The following LRRC4C variants were observed in gnomAD, a reference collection of about 807,000 sequenced individuals.
The protein encoded by LRRC4C is leucine rich repeat containing 4C.
LRRC4C carries 5 observed loss-of-function variants against 33.6 expected under a neutral mutation model. The observed-to-expected ratio is 0.15, with a 90% CI of 0.08 to 0.31. The LOEUF is 0.31. Ranked by LOEUF, LRRC4C falls within the 10% of genes least tolerant of loss-of-function variation. The pLI, the probability that LRRC4C is intolerant of heterozygous loss-of-function variation, is 1.00. For missense variants in LRRC4C, 560 were observed against 796.7 expected (o/e 0.70, Z 3.58); for synonymous variants, 329 against 302.0 (o/e 1.09, Z -0.93).
intron 3 of LRRC4C, among the ~76,000 whole-genome samples, chr11:40,565,196 A>G (rs1242636884): frequency 6.6e-6 from 1 of 152,160 alleles, no homozygotes; most frequent in African/African-American, 2.4e-5. Context: ...GCCCCCAGCA[A>G]CCGTGGAGAA....
intron 2 of LRRC4C, among the ~76,000 whole-genome samples, chr11:40,707,538 C>T (rs931587549): frequency 6.6e-6 from 1 of 152,138 alleles, no homozygotes; most frequent in South Asian, 2.1e-4. Flanking sequence ...GCTGAACCAG[C>T]CTTGCATCTC....
chr11:40,756,410 C>G (rs1036284269), intron 2 of LRRC4C, among the ~76,000 whole-genome samples: 5 of 152,034 alleles, frequency 3.3e-5, no homozygotes, highest in Non-Finnish European at 5.9e-5. Flanking sequence ...ATTGCATTTA[C>G]TATGCAGCAT....
intron 2 of LRRC4C, among the ~76,000 whole-genome samples, chr11:40,915,027 T>A (rs1452335125): frequency 6.6e-6 from 1 of 152,216 alleles, no homozygotes; most frequent in African/African-American, 2.4e-5. Flanking sequence ...TACAAACCAC[T>A]ACTCAAAGAA....
intron 3 of LRRC4C, among the ~76,000 whole-genome samples, chr11:40,537,125 A>C (rs1428638845): frequency 6.6e-6 from 1 of 152,202 alleles, no homozygotes; most frequent in Non-Finnish European, 1.5e-5. Context: ...TATGACCTTC[A>C]ATAACAAAAA....
chr11:40,445,217 T>C (rs770045937), intron 3 of LRRC4C: 1 of 152,216 alleles, frequency 6.6e-6, no homozygotes, highest in Non-Finnish European at 1.5e-5. Flanking sequence ...TCCTGAAGCA[T>C]AGAGAATAAT....
At chr11:40,306,364 A>C (rs1233000503) in intron 4 of LRRC4C, among the ~76,000 whole-genome samples, 1 of 152,152 alleles carries the variant, frequency 6.6e-6, no homozygotes, top group Non-Finnish European at 1.5e-5. Context: ...ATAATTCCTA[A>C]CACAGCAGCT....
chr11:40,626,722 C>T (rs540280109), intron 3 of LRRC4C, among the ~76,000 whole-genome samples: 4 of 152,284 alleles, frequency 2.6e-5, no homozygotes, highest in African/African-American at 9.6e-5. Context: ...AATCTACATA[C>T]ATCAATTCTC....
intron 6 of LRRC4C, among the ~76,000 whole-genome samples, chr11:40,118,878 G>C (rs1374022062): frequency 6.6e-6 from 1 of 152,162 alleles, no homozygotes; most frequent in East Asian, 1.9e-4. Flanking sequence ...ATGATAATGA[G>C]AGGTTAATAT....
intron 3 of LRRC4C, among the ~76,000 whole-genome samples, chr11:40,487,589 T>A (rs1953928015): frequency 6.6e-6 from 1 of 151,384 alleles, no homozygotes; most frequent in East Asian, 2.0e-4. Context: ...GTAGGGAATT[T>A]TGAAGAACTT....
At chr11:41,123,571 C>CT (rs1044330643) in intron 1 of LRRC4C, among the ~76,000 whole-genome samples, 19 of 151,882 alleles carry the variant, frequency 1.3e-4, no homozygotes, top group Admixed American at 7.9e-4. Context: ...CGCGCCCGGC[C>CT]TTTTTTTTCT....
intron 2 of LRRC4C, among the ~76,000 whole-genome samples, chr11:40,902,127 A>G (rs1380703145): frequency 6.6e-6 from 1 of 151,746 alleles, no homozygotes; most frequent in Non-Finnish European, 1.5e-5. Context: ...TTTTGTGGCA[A>G]CCTTGCATTG....
chr11:41,408,756 A>AAAAAAAAAAAAAAC (rs1565649967), intron 1 of LRRC4C, among the ~76,000 whole-genome samples: 3 of 140,742 alleles, frequency 2.1e-5, no homozygotes, highest in African/African-American at 9.7e-5. Flanking sequence ...GTAAAAAAAA[A>AAAAAAAAAAAAAAC]AAAAAAAAAA....
chr11:41,415,473 C>A (rs373667003), intron 1 of LRRC4C, among the ~76,000 whole-genome samples: 3 of 152,106 alleles, frequency 2.0e-5, no homozygotes, highest in Non-Finnish European at 4.4e-5. Flanking sequence ...CAAGTTTAAC[C>A]GCTAATTCAC....
At chr11:40,236,553 T>C (rs184937929) in intron 5 of LRRC4C, among the ~76,000 whole-genome samples, 1 of 152,292 alleles carries the variant, frequency 6.6e-6, no homozygotes, top group Admixed American at 6.5e-5. Flanking sequence ...TGGGGCCAGA[T>C]GACTTGTTTT....
intron 1 of LRRC4C, among the ~76,000 whole-genome samples, chr11:41,028,525 G>T (rs953348878): frequency 2.0e-5 from 3 of 150,524 alleles, no homozygotes; most frequent in Non-Finnish European, 4.4e-5. Flanking sequence ...TCTACACAAT[G>T]TTATCACTTT....
At chr11:40,154,618 T>C (rs1239409932) in intron 5 of LRRC4C, among the ~76,000 whole-genome samples, 1 of 152,208 alleles carries the variant, frequency 6.6e-6, no homozygotes, top group Non-Finnish European at 1.5e-5. Context: ...AGGGACATTA[T>C]GTAATGGTAA....
At chr11:41,323,690 T>G (rs1401039825) in intron 1 of LRRC4C, among the ~76,000 whole-genome samples, 2 of 152,178 alleles carry the variant, frequency 1.3e-5, no homozygotes, top group African/African-American at 4.8e-5. Flanking sequence ...CCACTCACAT[T>G]GGCAGGACTG....
At chr11:40,316,307 A>G (rs1945569913) in intron 4 of LRRC4C, among the ~76,000 whole-genome samples, 1 of 152,068 alleles carries the variant, frequency 6.6e-6, no homozygotes, top group African/African-American at 2.4e-5. Context: ...ATAAAGTAAC[A>G]GCCACCACAA....
At chr11:41,136,818 T>C (rs953853517) in intron 1 of LRRC4C, among the ~76,000 whole-genome samples, 1 of 152,192 alleles carries the variant, frequency 6.6e-6, no homozygotes, top group African/African-American at 2.4e-5. Flanking sequence ...ACTTAGCCAC[T>C]GCCTATAAGG....
Sources: gnomAD v4.1 joint callset for allele counts (sites outside exome capture counted in the v4.1 genomes callset) on GRCh38, gnomAD v4.1.1 for gene constraint, MANE v1.5 for transcripts, NCBI Gene and HGNC (gene_info 2026-07-23, HGNC 2026-07-21) for gene names.